The following MBP variants were observed in gnomAD, a reference collection of about 807,000 sequenced individuals.
MBP encodes the protein myelin basic protein.
A neutral mutation model predicts 35.8 loss-of-function variants in MBP; 16 were observed. The ratio of observed to expected loss-of-function variants is 0.45; its 90% CI spans 0.30 to 0.68. The LOEUF (loss-of-function observed/expected upper bound fraction) is 0.68, where lower values mean the gene tolerates loss of function less well. Ranked by LOEUF, MBP falls within the 30% of genes least tolerant of loss-of-function variation. The pLI, the probability that MBP is intolerant of heterozygous loss-of-function variation, is 0.08. For synonymous variants in MBP, 143 were observed against 159.6 expected, an observed-to-expected ratio of 0.90 and a Z score of 0.78; for missense variants, 380 against 404.7, an observed-to-expected ratio of 0.94 and a Z score of 0.52.
chr18:77,129,592 C>T (rs116549372), intron 1 of MBP, among the ~76,000 whole-genome samples: 5,335 of 152,322 alleles, frequency 0.035, 135 homozygotes, highest in South Asian at 0.087. Context: ...TCCAGCTACT[C>T]GCCTGGCATT....
chr18:77,053,234 T>C (rs893450059), intron 3 of MBP, among the ~76,000 whole-genome samples: 6 of 152,078 alleles, frequency 3.9e-5, no homozygotes, highest in African/African-American at 1.2e-4. Context: ...CCCACTTCCC[T>C]GCACCTGTCC....
At chr18:77,122,323 A>G (rs1293462226) in intron 1 of MBP, among the ~76,000 whole-genome samples, 1 of 152,198 alleles carries the variant, frequency 6.6e-6, no homozygotes, top group Non-Finnish European at 1.5e-5. Flanking sequence ...GGAAGGAGAC[A>G]GCTGAGAAAC....
At chr18:77,119,983 A>T (rs982631744) in intron 1 of MBP, among the ~76,000 whole-genome samples, 22 of 152,186 alleles carry the variant, frequency 1.4e-4, no homozygotes, top group African/African-American at 3.9e-4. Context: ...GGCCACCCCC[A>T]GGTGACTCTC....
At chr18:77,081,252 G>A (rs1974886545) in intron 2 of MBP, among the ~76,000 whole-genome samples, 1 of 152,094 alleles carries the variant, frequency 6.6e-6, no homozygotes. Context: ...TGACACTGTC[G>A]AGAAAGGGAC....
At chr18:76,991,448 T>G (rs2123159278) in intron 4 of MBP, among the ~76,000 whole-genome samples, 1 of 152,356 alleles carries the variant, frequency 6.6e-6, no homozygotes, top group Middle Eastern at 3.4e-3. Flanking sequence ...ACGCAGGGGA[T>G]GCTGCGGCTT....
chr18:76,980,535 C>CCGGGACCACAGAAGAGGGGA, intron 8 of MBP, 64 bp from the exon 9 acceptor site: 1 of 1,301,074 alleles, frequency 7.7e-7, no homozygotes, highest in Non-Finnish European at 1.1e-6. Context: ...CCAGCATCCC[C>CCGGGACCACAGAAGAGGGGA]TCTTCTGTGG....
chr18:77,087,858 C>T (rs1908161177), intron 2 of MBP, among the ~76,000 whole-genome samples: 1 of 152,138 alleles, frequency 6.6e-6, no homozygotes, highest in Non-Finnish European at 1.5e-5. Flanking sequence ...CCGCTTCCCA[C>T]TTGCGCGCTC....
At chr18:77,040,376 A>G (rs1039014673) in intron 3 of MBP, among the ~76,000 whole-genome samples, 2 of 152,242 alleles carry the variant, frequency 1.3e-5, no homozygotes, top group Non-Finnish European at 2.9e-5. Flanking sequence ...TATAGATTCA[A>G]TGCCATCCCC....
chr18:77,119,884 C>G (rs556091509), intron 1 of MBP, among the ~76,000 whole-genome samples: 4 of 152,240 alleles, frequency 2.6e-5, no homozygotes, highest in African/African-American at 9.6e-5. Context: ...AGGCTGAAGC[C>G]TCAGCTGCAA....
At position 77,102,431 on chromosome 18, in the gene MBP, A is replaced by G. The variant is rs527303466; in HGVS notation, c.51+2780T>C. 6.6e-6 allele frequency among the ~76,000 whole-genome samples: 1 copy of G among 152,372 alleles called. No individual in the cohort carries two copies. The highest frequency in any genetic ancestry group is 1.9e-4 in the East Asian group (1 of 5,190). ...AGTTTAATGCTCTACTAAGCTATGC[A>G]GCATCACAGAACATGTACATGTACT... is the stretch of plus-strand genomic sequence containing the variant. On this transcript the variant is annotated intron_variant, in intron 2 of 8. Coordinates refer to ENST00000355994, the MANE Select transcript of MBP (RefSeq NM_001025101.2). The surrounding 1 kb of genome is among the most constrained non-coding windows in gnomAD (Gnocchi z 4.4).
intron 3 of MBP, among the ~76,000 whole-genome samples, chr18:77,033,124 C>T (rs946690715): frequency 2.0e-5 from 3 of 152,116 alleles, no homozygotes; most frequent in Admixed American, 6.5e-5. Context: ...TGCACCACCA[C>T]GTCCAGATAA....
At chr18:77,032,945 A>C (rs916116166) in intron 3 of MBP, among the ~76,000 whole-genome samples, 1 of 152,200 alleles carries the variant, frequency 6.6e-6, no homozygotes, top group African/African-American at 2.4e-5. Flanking sequence ...TCTGGAGGCC[A>C]ATATGGCTGA....
chr18:77,132,027 G>A (rs1048357716), intron 1 of MBP, among the ~76,000 whole-genome samples: 6 of 152,108 alleles, frequency 3.9e-5, no homozygotes, highest in Non-Finnish European at 7.4e-5. Flanking sequence ...CGCGCGCGGG[G>A]CCCCCGGGGT....
intron 3 of MBP, among the ~76,000 whole-genome samples, chr18:77,058,419 G>A (rs1409227969): frequency 1.3e-5 from 2 of 152,144 alleles, no homozygotes; most frequent in African/African-American, 2.4e-5. Flanking sequence ...CCAACGCCCC[G>A]CACAGCTCGC....
At chr18:77,068,064 T>C (rs73489027) in intron 2 of MBP, among the ~76,000 whole-genome samples, 8,081 of 151,866 alleles carry the variant, frequency 0.053, 229 homozygotes, top group South Asian at 0.11. Flanking sequence ...TCCATTCCCA[T>C]CCCTGGGCAG....
chr18:77,047,915 G>A (rs1973321267), intron 3 of MBP, among the ~76,000 whole-genome samples: 1 of 152,158 alleles, frequency 6.6e-6, no homozygotes, highest in Non-Finnish European at 1.5e-5. Flanking sequence ...TCTTCAGAGG[G>A]AAATCCTGTG....
chr18:77,024,802 G>A (rs1452421913), intron 3 of MBP, among the ~76,000 whole-genome samples: 2 of 152,242 alleles, frequency 1.3e-5, no homozygotes, highest in Non-Finnish European at 2.9e-5. Flanking sequence ...GCAAGTCGCT[G>A]AGCCCAGATG....
chr18:77,026,914 G>T (rs1486715129), intron 3 of MBP, among the ~76,000 whole-genome samples: 3 of 152,114 alleles, frequency 2.0e-5, no homozygotes, highest in Non-Finnish European at 4.4e-5. Flanking sequence ...TGGACATCAC[G>T]TCCAAGCAGA....
intron 3 of MBP, among the ~76,000 whole-genome samples, chr18:77,053,731 G>A (rs1973606827): frequency 6.6e-6 from 1 of 152,246 alleles, no homozygotes; most frequent in Admixed American, 6.5e-5. Flanking sequence ...TGAGACAGGA[G>A]AGGAGAGAGC....
Sources: gnomAD v4.1 joint callset for allele counts (sites outside exome capture counted in the v4.1 genomes callset) on GRCh38, gnomAD v4.1.1 for gene constraint, Gnocchi (gnomAD v3.1) non-coding constraint, MANE v1.5 for transcripts, NCBI Gene and HGNC (gene_info 2026-07-23, HGNC 2026-07-21) for gene names.